The following ZNG1E variants were observed in gnomAD, a reference collection of about 807,000 sequenced individuals.
The protein encoded by ZNG1E is Zn regulated GTPase metalloprotein activator 1E.
At chr9:65,665,502 G>T in the ZNG1E span, among the ~76,000 whole-genome samples, 3 of 152,198 alleles carry the variant, frequency 2.0e-5, no homozygotes, top group East Asian at 1.9e-4. Context: ...TGCTGTAGGG[G>T]TGGGTCCCTC....
At chr9:65,663,776 A>G in the ZNG1E span, among the ~76,000 whole-genome samples, 9 of 151,278 alleles carry the variant, frequency 5.9e-5, no homozygotes, top group African/African-American at 2.2e-4. Context: ...TATTTATTTA[A>G]AATTTTAAAA....
At chr9:65,657,494 C>T in the ZNG1E span, among the ~76,000 whole-genome samples, 19 of 152,274 alleles carry the variant, frequency 1.2e-4, no homozygotes, top group Non-Finnish European at 2.2e-4. Context: ...CACATGTTCT[C>T]ACTCATTTGT....
At chr9:65,714,383 G>A in the ZNG1E span, among the ~76,000 whole-genome samples, 3 of 151,610 alleles carry the variant, frequency 2.0e-5, no homozygotes, top group South Asian at 2.1e-4. Context: ...GTCCAGCTTT[G>A]TTCTGTTGTT....
At chr9:65,656,659 T>G in the ZNG1E span, among the ~76,000 whole-genome samples, 2 of 152,292 alleles carry the variant, frequency 1.3e-5, no homozygotes, top group Admixed American at 6.5e-5. Flanking sequence ...TAGAGAAACT[T>G]ACTTCCTGGA....
the ZNG1E span, among the ~76,000 whole-genome samples, chr9:65,661,051 A>G: frequency 1.3e-5 from 2 of 148,240 alleles, no homozygotes; most frequent in East Asian, 3.9e-4. Flanking sequence ...TGGGCCATGT[A>G]CTGCTAGATC....
the ZNG1E span, among the ~76,000 whole-genome samples, chr9:65,691,769 C>G: frequency 1.3e-5 from 2 of 151,716 alleles, no homozygotes; most frequent in African/African-American, 4.8e-5. Context: ...CACTTTTGGG[C>G]AATGATATGC....
the ZNG1E span, among the ~76,000 whole-genome samples, chr9:65,683,980 T>C: frequency 3.3e-5 from 5 of 152,402 alleles, no homozygotes; most frequent in Admixed American, 2.0e-4. Flanking sequence ...AGTTTTGCCA[T>C]TTTATAGACA....
chr9:65,691,136 G>T, the ZNG1E span: 242,791 of 1,374,588 alleles, frequency 0.18, 628 homozygotes, highest in Non-Finnish European at 0.19. Context: ...TGCATGGAGT[G>T]CAGTGGCATG....
At chr9:65,720,907 CTCT>C in the ZNG1E span, among the ~76,000 whole-genome samples, 1 of 148,358 alleles carries the variant, frequency 6.7e-6, no homozygotes, top group Non-Finnish European at 1.5e-5. Flanking sequence ...TAGGATATTC[CTCT>C]TCACTTATCT....
At chr9:65,727,108 TATC>T in the ZNG1E span, among the ~76,000 whole-genome samples, 1 of 134,884 alleles carries the variant, frequency 7.4e-6, no homozygotes, top group African/African-American at 3.0e-5. Flanking sequence ...ACAAAACAAT[TATC>T]AGCTGAGAAT....
At chr9:65,660,814 G>T in the ZNG1E span, among the ~76,000 whole-genome samples, 1 of 133,964 alleles carries the variant, frequency 7.5e-6, no homozygotes, top group East Asian at 2.4e-4. Context: ...CACATCTGTG[G>T]TTGTGGTTAT....
the ZNG1E span, among the ~76,000 whole-genome samples, chr9:65,660,629 A>C: frequency 1.3e-5 from 2 of 151,854 alleles, no homozygotes; most frequent in African/African-American, 4.8e-5. Context: ...AAGTGTCCAG[A>C]AAGGCTAGAG....
the ZNG1E span, among the ~76,000 whole-genome samples, chr9:65,667,954 C>G: frequency 7.1e-6 from 1 of 140,326 alleles, no homozygotes; most frequent in Admixed American, 7.2e-5. Flanking sequence ...CAAGACTGCA[C>G]CATTGTACTC....
At chr9:65,660,445 G>A in the ZNG1E span, among the ~76,000 whole-genome samples, 2 of 152,158 alleles carry the variant, frequency 1.3e-5, no homozygotes, top group Admixed American at 6.6e-5. Context: ...CTCATCTGTG[G>A]ATATTGTTTA....
the ZNG1E span, chr9:65,704,687 C>T: frequency 1.2e-4 from 74 of 597,942 alleles, 8 homozygotes; most frequent in East Asian, 6.9e-4. Flanking sequence ...CCAAGGTGGG[C>T]GGATCACGAG....
chr9:65,708,495 T>G, the ZNG1E span: 3 of 262,224 alleles, frequency 1.1e-5, no homozygotes, highest in East Asian at 3.1e-4. Context: ...TTAAATGTTA[T>G]ATCAAGGGAG....
At chr9:65,714,895 G>A in the ZNG1E span, among the ~76,000 whole-genome samples, 8 of 151,902 alleles carry the variant, frequency 5.3e-5, no homozygotes, top group Non-Finnish European at 8.8e-5. Flanking sequence ...ACAGAGGCAG[G>A]CAGGCTTCCT....
chr9:65,715,316 G>A, the ZNG1E span, among the ~76,000 whole-genome samples: 1 of 150,668 alleles, frequency 6.6e-6, no homozygotes, highest in Admixed American at 6.6e-5. Flanking sequence ...CTAGTGAGAT[G>A]AACCCGGTAC....
the ZNG1E span, chr9:65,704,599 T>C: frequency 2.1e-6 from 2 of 940,792 alleles, 1 homozygote; most frequent in Admixed American, 1.6e-4. Flanking sequence ...GCATAGCAAC[T>C]TGAGCTTACC....
Sources: gnomAD v4.1 joint callset for allele counts (sites outside exome capture counted in the v4.1 genomes callset) on GRCh38, gnomAD v4.1.1 for gene constraint, MANE v1.5 for transcripts, NCBI Gene and HGNC (gene_info 2026-07-23, HGNC 2026-07-21) for gene names.